Variants in MYRIP observed in about 807,000 individuals in gnomAD.
MYRIP encodes myosin VIIA and Rab interacting protein, also known as rab effector MyRIP.
A neutral mutation model predicts 98.0 loss-of-function variants in MYRIP; 49 were observed. That is an observed-to-expected ratio of 0.50 (90% CI 0.40 to 0.63). The LOEUF (loss-of-function observed/expected upper bound fraction) is 0.63. Ranked by LOEUF, MYRIP falls within the 30% of genes least tolerant of loss-of-function variation. The pLI is 0.00. For synonymous variants in MYRIP, 404 were observed against 409.5 expected (o/e 0.99, Z 0.16); for missense variants, 1,004 against 1,058.2 (o/e 0.95, Z 0.71).
chr3:40,115,206 C>T (rs776818984), intron 3 of MYRIP, among the ~76,000 whole-genome samples: 2 of 152,112 alleles, frequency 1.3e-5, no homozygotes, highest in African/African-American at 2.4e-5. Flanking sequence ...CTCATTCCTA[C>T]TCTCTGTGTG....
At chr3:40,034,010 G>T (rs537061348) in intron 2 of MYRIP, among the ~76,000 whole-genome samples, 1 of 152,044 alleles carries the variant, frequency 6.6e-6, no homozygotes, top group Non-Finnish European at 1.5e-5. Flanking sequence ...GGGAAAACTG[G>T]CTAGCCATAT....
intron 2 of MYRIP, among the ~76,000 whole-genome samples, chr3:39,912,671 TAG>T (rs1944049714): frequency 6.6e-6 from 1 of 152,162 alleles, no homozygotes; most frequent in Non-Finnish European, 1.5e-5. Context: ...TGTGAGAACT[TAG>T]AGAAATTAAT....
chr3:39,969,692 A>AGCATTTTGTTACGCTGCTGGATTC (rs1945529367), intron 2 of MYRIP, among the ~76,000 whole-genome samples: 1 of 152,174 alleles, frequency 6.6e-6, no homozygotes, highest in Non-Finnish European at 1.5e-5. Flanking sequence ...ATCGTGGATT[A>AGCATTTTGTTACGCTGCTGGATTC]GCTTTTTGTT....
At chr3:40,246,114 A>G (rs113741878) in intron 13 of MYRIP, among the ~76,000 whole-genome samples, 6,028 of 151,812 alleles carry the variant, frequency 0.04, 275 homozygotes, top group African/African-American at 0.11. Context: ...ATAAAACCAT[A>G]TCTAGATAGA....
At chr3:40,047,347 C>T (rs1947692024) in intron 3 of MYRIP, among the ~76,000 whole-genome samples, 1 of 152,194 alleles carries the variant, frequency 6.6e-6, no homozygotes, top group Admixed American at 6.5e-5. Context: ...TCCTGAGTCT[C>T]AGAAGCTGAG....
At chr3:40,096,955 C>T (rs1489342465) in intron 3 of MYRIP, among the ~76,000 whole-genome samples, 1 of 152,220 alleles carries the variant, frequency 6.6e-6, no homozygotes, top group Non-Finnish European at 1.5e-5. Context: ...TAACTCCTCA[C>T]CTTCTGCATC....
intron 3 of MYRIP, among the ~76,000 whole-genome samples, chr3:40,092,738 A>G (rs1234783780): frequency 2.0e-5 from 3 of 152,176 alleles, no homozygotes; most frequent in Non-Finnish European, 4.4e-5. Context: ...GCTCCAAGTC[A>G]CCCAGCAAAT....
At chr3:40,154,841 A>G (rs1950189070) in intron 4 of MYRIP, among the ~76,000 whole-genome samples, 1 of 152,196 alleles carries the variant, frequency 6.6e-6, no homozygotes, top group South Asian at 2.1e-4. Flanking sequence ...CACTACATGA[A>G]AAAGGTAAAA....
At chr3:39,859,706 G>C (rs1041486554) in intron 1 of MYRIP, among the ~76,000 whole-genome samples, 2 of 152,200 alleles carry the variant, frequency 1.3e-5, no homozygotes, top group African/African-American at 4.8e-5. Flanking sequence ...GATATGCAAG[G>C]ATGGTTCAAC....
intron 2 of MYRIP, among the ~76,000 whole-genome samples, chr3:39,946,892 A>G (rs1011319427): frequency 1.6e-4 from 25 of 152,302 alleles, no homozygotes; most frequent in African/African-American, 6.0e-4. Context: ...ATACAAATAT[A>G]TCACCCACTA....
At chr3:40,099,524 A>T (rs1364640444) in intron 3 of MYRIP, among the ~76,000 whole-genome samples, 6 of 152,190 alleles carry the variant, frequency 3.9e-5, no homozygotes, top group Non-Finnish European at 8.8e-5. Flanking sequence ...CATACTCTCC[A>T]TCACAGTATA....
chr3:40,023,943 CTT>C (rs975914823), intron 2 of MYRIP, among the ~76,000 whole-genome samples: 1 of 152,054 alleles, frequency 6.6e-6, no homozygotes, highest in Non-Finnish European at 1.5e-5. Flanking sequence ...GATTTTGTGA[CTT>C]TTTTGATGAT....
chr3:40,191,904 C>T (rs981435885), intron 10 of MYRIP, among the ~76,000 whole-genome samples: 11 of 152,096 alleles, frequency 7.2e-5, no homozygotes, highest in African/African-American at 2.7e-4. Flanking sequence ...TGTAAAATGT[C>T]ACGTCTCCAC....
At chr3:39,907,822 C>T (rs922379982) in intron 2 of MYRIP, among the ~76,000 whole-genome samples, 1 of 152,150 alleles carries the variant, frequency 6.6e-6, no homozygotes, top group Non-Finnish European at 1.5e-5. Flanking sequence ...TTTCCTGATG[C>T]CAGGGCTCCG....
chr3:39,924,721 A>T (rs1444859994), intron 2 of MYRIP, among the ~76,000 whole-genome samples: 1 of 152,128 alleles, frequency 6.6e-6, no homozygotes, highest in Non-Finnish European at 1.5e-5. Flanking sequence ...TCTGGGCTAT[A>T]AAACAAACCT....
At chr3:40,186,996 T>G (rs1015848786) in intron 9 of MYRIP, among the ~76,000 whole-genome samples, 1 of 152,192 alleles carries the variant, frequency 6.6e-6, no homozygotes, top group African/African-American at 2.4e-5. Context: ...TCTGAATAGC[T>G]CCATTGTCAA....
At chr3:39,886,560 T>C (rs1238313406) in intron 1 of MYRIP, among the ~76,000 whole-genome samples, 1 of 151,578 alleles carries the variant, frequency 6.6e-6, no homozygotes, top group Non-Finnish European at 1.5e-5. Context: ...TAAAACAGAT[T>C]TTAAACCAAC....
intron 3 of MYRIP, among the ~76,000 whole-genome samples, chr3:40,056,560 AT>A (rs1181377281): frequency 6.6e-6 from 1 of 152,178 alleles, no homozygotes; most frequent in Admixed American, 6.6e-5. Context: ...AGAGAATTTT[AT>A]TTAACAACCA....
intron 2 of MYRIP, among the ~76,000 whole-genome samples, chr3:39,962,158 G>T (rs143862484): frequency 6.6e-6 from 1 of 152,088 alleles, no homozygotes; most frequent in African/African-American, 2.4e-5. Flanking sequence ...GAGCCTGTTT[G>T]CCCATCTATA....
Sources: allele counts gnomAD v4.1 joint callset (sites outside exome capture counted in the v4.1 genomes callset), GRCh38; gene constraint gnomAD v4.1.1; transcripts MANE v1.5; gene names NCBI Gene and HGNC (gene_info 2026-07-23, HGNC 2026-07-21).